The following HSD11B1 variants were observed in gnomAD, a reference collection of about 807,000 sequenced individuals.
HSD11B1 encodes 11-beta-hydroxysteroid dehydrogenase 1.
Under a neutral mutation model 22.1 loss-of-function variants are expected in HSD11B1, and 15 were observed. That is an observed-to-expected ratio of 0.68 (90% CI 0.45 to 1.04). The LOEUF (loss-of-function observed/expected upper bound fraction) is 1.04, where lower values mean the gene tolerates loss of function less well. Among genes scored for constraint, HSD11B1 ranks in the 50% least tolerant of loss-of-function variants. The pLI, the probability that HSD11B1 is intolerant of heterozygous loss-of-function variation, is 0.00. For missense variants in HSD11B1, 281 were observed against 357.6 expected (o/e 0.79, Z 1.73); for synonymous variants, 122 against 125.2 (o/e 0.97, Z 0.17).
In HSD11B1 at chr1:209,732,531, A is replaced by G. The variant is rs1356557518; in HGVS notation, c.613A>G (p.Arg205Gly). Residue 205 changes from arginine (R) to glycine (G), a missense_variant, in exon 5 of 6, where the codon AGG becomes GGG. Transcript: ENST00000367027. ...SSIRKEYSVS[R>G]VNVSITLCVL... Reference sequence around the variant, plus strand: ...CATCAGAAAGGAATATTCAGTGTCCAGGGTCAATGTATCAATCACTCTCTG... The same window carrying G: ...CATCAGAAAGGAATATTCAGTGTCCGGGGTCAATGTATCAATCACTCTCTG... The G allele has an allele frequency of 6.2e-7, 1 of 1,613,878 alleles. No homozygotes were observed. Among genetic ancestry groups the G allele is most frequent in the Non-Finnish European group, 8.5e-7 (1 of 1,179,886 alleles).
At chr1:209,713,126 C>A (rs1370203061) in intron 4 of HSD11B1, among the ~76,000 whole-genome samples, 2 of 152,110 alleles carry the variant, frequency 1.3e-5, no homozygotes, top group African/African-American at 4.8e-5. Context: ...TTAAATTAGT[C>A]ACAGATTTAG....
In HSD11B1 at chr1:209,719,019, C is replaced by CAAAAAAA. The variant is rs56342028; in HGVS notation, c.517+11902_517+11908dup. Among the ~76,000 whole-genome samples the CAAAAAAA allele has an allele frequency of 8.1e-4, 29 of 35,704 alleles. 5 individuals carry two copies. Among genetic ancestry groups the CAAAAAAA allele is most frequent in the South Asian group, 7.0e-3 (4 of 570 alleles). The allele number at this position is 35,704 out of a possible 152,430, so 23.4% of individuals were successfully genotyped here. On this transcript the variant is annotated intron_variant, in intron 4 of 5. Coordinates refer to ENST00000367027, the MANE Select transcript of HSD11B1 (RefSeq NM_005525.4). ...TGGGTGACACAGTGAGACTCCATCT[C>CAAAAAAA]AAAAAAAAAAAAAAAAAGGAAAGAA...
At chr1:209,729,487 T>C (rs2102399544) in intron 4 of HSD11B1, among the ~76,000 whole-genome samples, 1 of 152,180 alleles carries the variant, frequency 6.6e-6, no homozygotes, top group South Asian at 2.1e-4. Flanking sequence ...CTTCCTTCTA[T>C]CTAAACTATC....
intron 1 of HSD11B1, among the ~76,000 whole-genome samples, chr1:209,690,446 C>T (rs1277664631): frequency 6.6e-6 from 1 of 152,094 alleles, no homozygotes; most frequent in Non-Finnish European, 1.5e-5. Flanking sequence ...CCTGTAATCC[C>T]AGCAATTTGG....
In HSD11B1 at chr1:209,692,611, G is replaced by GGGT. The variant is rs1553286714; in HGVS notation, c.-49+6328_-49+6329insTGG. ...AGGAATCGGGTATTAAAATGGCGGG[G>GGGT]GGGGGGGTGGGGGCTCGGTTCTTGC... is the stretch of plus-strand genomic sequence containing the variant. On this transcript the variant is annotated intron_variant, in intron 1 of 6. Transcript: ENST00000261465. 4.2e-5 allele frequency among the ~76,000 whole-genome samples: 5 copies of GGGT among 119,184 alleles called. 1 individual carries two copies. Among genetic ancestry groups the GGGT allele is most frequent in the East Asian group, 5.6e-4 (2 of 3,586 alleles). 78.2% of individuals were successfully genotyped at this position (119,184 alleles called of 152,430 possible). A position where few individuals can be genotyped will look rare whatever the true frequency, so the allele number is the denominator to read the frequency against.
chr1:209,699,725 C>T (rs116142702), intron 1 of HSD11B1, among the ~76,000 whole-genome samples: 2,377 of 152,254 alleles, frequency 0.016, 71 homozygotes, highest in African/African-American at 0.054. Flanking sequence ...AAAGTCTCAT[C>T]GGAGACAAGG....
At chr1:209,692,727 T>C (rs1403882475) in intron 1 of HSD11B1, among the ~76,000 whole-genome samples, 7 of 151,712 alleles carry the variant, frequency 4.6e-5, no homozygotes, top group African/African-American at 1.7e-4. Flanking sequence ...GACTAAAGTT[T>C]GGCCAGAAAA....
At chr1:209,719,677 T>A (rs1015990747) in intron 4 of HSD11B1, among the ~76,000 whole-genome samples, 1 of 152,194 alleles carries the variant, frequency 6.6e-6, no homozygotes, top group East Asian at 1.9e-4. Context: ...TTGTGATGGT[T>A]TGCTGAGAAT....
chr1:209,699,226 G>A (rs1365274417), intron 1 of HSD11B1, among the ~76,000 whole-genome samples: 2 of 152,080 alleles, frequency 1.3e-5, no homozygotes, highest in Non-Finnish European at 1.5e-5. Flanking sequence ...GGGTGAGAAT[G>A]GGGGTGGGGG....
intron 4 of HSD11B1, among the ~76,000 whole-genome samples, chr1:209,729,777 C>T (rs867617340): frequency 1.3e-5 from 2 of 152,172 alleles, no homozygotes; most frequent in Non-Finnish European, 2.9e-5. Context: ...AAGGATCATT[C>T]ATTATGATCA....
At chr1:209,734,254 T>C (rs756837962) in intron 5 of HSD11B1, 50 bp from the exon 6 acceptor site, 8 of 1,463,238 alleles carry the variant, frequency 5.5e-6, no homozygotes, top group Non-Finnish European at 7.6e-6. Context: ...CCTTCCATCA[T>C]GTAGACTGTC....
intron 4 of HSD11B1, among the ~76,000 whole-genome samples, chr1:209,720,953 G>A (rs193122806): frequency 1.2e-3 from 189 of 152,254 alleles, no homozygotes; most frequent in African/African-American, 4.0e-3. Flanking sequence ...TAGCCAAGTG[G>A]GCTCTTAATC....
At chr1:209,719,810 A>G (rs2076954603) in intron 4 of HSD11B1, among the ~76,000 whole-genome samples, 1 of 152,212 alleles carries the variant, frequency 6.6e-6, no homozygotes. Context: ...ATTGATGGAC[A>G]TTTGAATTGG....
intron 1 of HSD11B1, among the ~76,000 whole-genome samples, chr1:209,696,902 G>A (rs75178255): frequency 0.045 from 6,870 of 152,332 alleles, 446 homozygotes; most frequent in African/African-American, 0.14. Flanking sequence ...CTGGCAGGAA[G>A]AGTGAAGTGC....
chr1:209,729,161 C>A (rs921836090), intron 4 of HSD11B1, among the ~76,000 whole-genome samples: 1 of 152,106 alleles, frequency 6.6e-6, no homozygotes, highest in Non-Finnish European at 1.5e-5. Flanking sequence ...GAGTTCAAGA[C>A]CAGCCTGGCC....
At chr1:209,697,637 A>G (rs1298112785) in intron 1 of HSD11B1, among the ~76,000 whole-genome samples, 2 of 152,162 alleles carry the variant, frequency 1.3e-5, no homozygotes, top group Non-Finnish European at 2.9e-5. Context: ...CCACCCAGCT[A>G]CCATGTGGTA....
chr1:209,689,537 G>A (rs942684113), intron 1 of HSD11B1, among the ~76,000 whole-genome samples: 1 of 152,230 alleles, frequency 6.6e-6, no homozygotes, highest in Non-Finnish European at 1.5e-5. Context: ...GGCCTGATGT[G>A]AGGTGTTTGA....
At chr1:209,730,778 A>G (rs1436187451) in intron 4 of HSD11B1, among the ~76,000 whole-genome samples, 1 of 152,226 alleles carries the variant, frequency 6.6e-6, no homozygotes, top group Non-Finnish European at 1.5e-5. Context: ...ACAACATATT[A>G]TATTTGAAAC....
At chr1:209,705,764 T>C in intron 1 of HSD11B1, 47 bp from the exon 2 acceptor site, 1 of 1,611,246 alleles carries the variant, frequency 6.2e-7, no homozygotes, top group Non-Finnish European at 8.5e-7. Context: ...GAAGGAATTT[T>C]GCTGCCAACT....
Sources: gnomAD v4.1 joint callset for allele counts (sites outside exome capture counted in the v4.1 genomes callset) on GRCh38, gnomAD v4.1.1 for gene constraint, MANE v1.5 for transcripts, NCBI Gene and HGNC (gene_info 2026-07-23, HGNC 2026-07-21) for gene names.